The following FAM91A1 variants were observed in gnomAD, a reference collection of about 807,000 sequenced individuals.
The protein encoded by FAM91A1 is protein FAM91A1.
Under a neutral mutation model 113.5 loss-of-function variants are expected in FAM91A1, and 41 were observed. That is an observed-to-expected ratio of 0.36 (90% confidence interval 0.28 to 0.47). The LOEUF is 0.47. Ranked by LOEUF, FAM91A1 falls within the 20% of genes least tolerant of loss-of-function variation. FAM91A1 has a pLI of 1.00. For missense variants in FAM91A1, 696 were observed against 1,001.2 expected (o/e 0.70, Z 4.11); for synonymous variants, 307 against 347.9 (o/e 0.88, Z 1.31).
chr8:123,778,900 AT>A, intron 6 of FAM91A1, 128 bp downstream of exon 6: 1 of 626,552 alleles, frequency 1.6e-6, no homozygotes, highest in East Asian at 3.3e-5. Flanking sequence ...TAAATTTAAA[AT>A]TTAAAATGAT....
At chr8:123,791,251 A>G (rs1045101082) in intron 15 of FAM91A1, among the ~76,000 whole-genome samples, 4 of 151,730 alleles carry the variant, frequency 2.6e-5, no homozygotes, top group Non-Finnish European at 5.9e-5. Flanking sequence ...TTATTAGTAA[A>G]TGGAAGAGCC....
At chr8:123,782,502 CTAT>C (rs929886749) in intron 8 of FAM91A1, among the ~76,000 whole-genome samples, 3 of 152,066 alleles carry the variant, frequency 2.0e-5, no homozygotes, top group Non-Finnish European at 4.4e-5. Context: ...ATGAAAGGCT[CTAT>C]TATTAAATAA....
Position 123,806,115 on chromosome 8 carries a change from T to C in FAM91A1, c.1918T>C (p.Leu640=). ...TGTCAATATGGGTGTTCATAAAGCA[T>C]TGCAGATACTAAGGAACAGAGTGGA... ...TRVNMGVHKA[L]QILRNRVDLQ... is the part of the protein sequence containing the mutation. The change falls in exon 20 of 24, where the codon TTG becomes CTG. Residue 640 remains leucine, a synonymous_variant. Coordinates refer to ENST00000334705, the MANE Select transcript of FAM91A1 (RefSeq NM_144963.4). 6.2e-7 allele frequency: 1 copy of C among 1,611,376 alleles called. No homozygotes were observed. Among genetic ancestry groups the C allele is most frequent in the Non-Finnish European group, 8.5e-7 (1 of 1,178,534 alleles).
intron 15 of FAM91A1, among the ~76,000 whole-genome samples, chr8:123,792,003 C>T (rs188943666): frequency 1.4e-4 from 22 of 152,050 alleles, no homozygotes; most frequent in African/African-American, 5.3e-4. Context: ...GGTGAAAACT[C>T]GTGTTTACTA....
chr8:123,811,117 A>G (rs1815943027), intron 23 of FAM91A1: 1 of 152,274 alleles, frequency 6.6e-6, no homozygotes, highest in Admixed American at 6.5e-5. Context: ...AAAGTTGGAA[A>G]AGAATATTCC....
intron 19 of FAM91A1, 147 bp downstream of exon 19, chr8:123,805,486 GT>G (rs1464049357): frequency 7.5e-6 from 5 of 668,096 alleles, no homozygotes; most frequent in African/African-American, 5.5e-5. Flanking sequence ...GCAAAAGGTA[GT>G]TTTTTGTCAT....
chr8:123,782,037 T>A (rs769648357), intron 8 of FAM91A1, among the ~76,000 whole-genome samples: 23 of 152,230 alleles, frequency 1.5e-4, no homozygotes, highest in Non-Finnish European at 3.1e-4. Context: ...ATAAAAAGAT[T>A]AGTCTTTGAC....
Position 123,772,485 on chromosome 8 carries a change from A to G in FAM91A1, c.73-1595A>G, listed in dbSNP as rs181994001. 5.5e-4 allele frequency among the ~76,000 whole-genome samples: 83 copies of G among 152,084 alleles called. No individual in the cohort carries two copies. In the East Asian group the frequency reaches 0.015, roughly 27 times the overall value. On this transcript the variant is annotated intron_variant, in intron 1 of 23. Coordinates refer to ENST00000334705, the MANE Select transcript of FAM91A1 (RefSeq NM_144963.4). ...AAGAGGATGGTAGAGTAGTTTCTCT[A>G]CAATGAGATCTACTCTTAACCCCTT...
chr8:123,803,145 A>G (rs1332645491), intron 18 of FAM91A1, among the ~76,000 whole-genome samples: 2 of 152,152 alleles, frequency 1.3e-5, no homozygotes, highest in African/African-American at 4.8e-5. Flanking sequence ...CTTAATTTAT[A>G]GTAACAAATC....
In FAM91A1 at chr8:123,787,269, G is replaced by A; in HGVS notation, c.1087G>A (p.Ala363Thr). 5.6e-6 allele frequency: 9 copies of A among 1,608,576 alleles called. No homozygotes were observed. Among genetic ancestry groups the A allele is most frequent in the Non-Finnish European group, 7.6e-6 (9 of 1,177,686 alleles). ...ATTATGGTGTTTTTCAGCTGACACA[G>A]CCAGTGTAAGCAGCCTGAGTCTGTC... The part of the protein sequence containing the change: ...TNSQEDPADT[A>T]SVSSLSLSTG... Residue 363 changes from alanine (A) to threonine (T), a missense_variant, in exon 13 of 24, where the codon GCC becomes ACC. Transcript: ENST00000334705.
intron 23 of FAM91A1, 91 bp from the exon 24 acceptor site, chr8:123,812,428 C>G (rs998603784): frequency 8.8e-7 from 1 of 1,134,498 alleles, no homozygotes; most frequent in Non-Finnish European, 1.2e-6. Flanking sequence ...AAACACTTCT[C>G]AGGTAATCAA....
At chr8:123,773,669 C>T (rs936563943) in intron 1 of FAM91A1, among the ~76,000 whole-genome samples, 1 of 152,144 alleles carries the variant, frequency 6.6e-6, no homozygotes, top group Non-Finnish European at 1.5e-5. Context: ...AGGGATGTAT[C>T]TGTCCTTAGT....
intron 3 of FAM91A1, among the ~76,000 whole-genome samples, 192 bp from the exon 4 acceptor site, chr8:123,777,072 GC>G (rs1205768989): frequency 6.6e-6 from 1 of 152,136 alleles, no homozygotes; most frequent in Non-Finnish European, 1.5e-5. Flanking sequence ...CTGAAAATCT[GC>G]CCTTTAATTA....
At chr8:123,775,614 A>G (rs939376423) in intron 3 of FAM91A1, among the ~76,000 whole-genome samples, 1 of 152,152 alleles carries the variant, frequency 6.6e-6, no homozygotes, top group Admixed American at 6.5e-5. Flanking sequence ...ATTGCTTTTT[A>G]AAACGTGATT....
At chr8:123,800,264 G>GTATA (rs146624491) in intron 18 of FAM91A1, among the ~76,000 whole-genome samples, 8 of 149,636 alleles carry the variant, frequency 5.3e-5, no homozygotes, top group African/African-American at 9.8e-5. Flanking sequence ...TTTCCTATAT[G>GTATA]TATATATATA....
At chr8:123,810,677 A>T in intron 23 of FAM91A1, 2 of 346,800 alleles carry the variant, frequency 5.8e-6, no homozygotes, top group Non-Finnish European at 5.2e-6. Flanking sequence ...GCGATTCTCC[A>T]CTGCTGGGAT....
intron 14 of FAM91A1, chr8:123,788,213 T>G: frequency 1.0e-6 from 1 of 985,400 alleles, no homozygotes; most frequent in Non-Finnish European, 1.2e-6. Context: ...TCTTGAAGAC[T>G]TCAGCCATAT....
chr8:123,784,141 T>C (rs1815193223), intron 8 of FAM91A1, among the ~76,000 whole-genome samples: 1 of 152,178 alleles, frequency 6.6e-6, no homozygotes, highest in African/African-American at 2.4e-5. Flanking sequence ...TCAGAAACCC[T>C]TTGCAGGCTC....
At chr8:123,797,489 C>T (rs1264142455) in intron 15 of FAM91A1, among the ~76,000 whole-genome samples, 1 of 152,158 alleles carries the variant, frequency 6.6e-6, no homozygotes, top group African/African-American at 2.4e-5. Flanking sequence ...TCTTCCTCCT[C>T]CTCTTCAGCC....
Sources: gnomAD v4.1 joint callset for allele counts (sites outside exome capture counted in the v4.1 genomes callset) on GRCh38, gnomAD v4.1.1 for gene constraint, MANE v1.5 for transcripts, NCBI Gene and HGNC (gene_info 2026-07-23, HGNC 2026-07-21) for gene names.